DYSF: variants seen among roughly 807,000 people sequenced by gnomAD.
DYSF encodes the protein dystrophy-associated fer-1-like 1.
In DYSF, 212 loss-of-function variants were observed where a neutral mutation model predicts 274.9. The observed-to-expected ratio is 0.77, with a 90% CI of 0.69 to 0.86. DYSF has a LOEUF of 0.86. Among genes scored for constraint, DYSF ranks in the 40% least tolerant of loss-of-function variants. DYSF has a pLI of 0.00. For synonymous variants in DYSF, 1,091 were observed against 1,078.7 expected, an observed-to-expected ratio of 1.01 and a Z score of -0.22; for missense variants, 2,666 against 2,783.2, an observed-to-expected ratio of 0.96 and a Z score of 0.95.
At chr2:71,489,136 AG>A (rs1198744597) in intron 3 of DYSF, among the ~76,000 whole-genome samples, 11 of 152,132 alleles carry the variant, frequency 7.2e-5, no homozygotes, top group Non-Finnish European at 1.5e-4. Context: ...TATCAAATCA[AG>A]GGACCTGCCA....
chr2:71,527,902 G>A (rs920880354), intron 13 of DYSF, among the ~76,000 whole-genome samples: 1 of 151,928 alleles, frequency 6.6e-6, no homozygotes, highest in African/African-American at 2.4e-5. Flanking sequence ...CAGGTAAATC[G>A]CTGCGCTAAT....
At chr2:71,574,172 C>T (rs1419864569) in intron 29 of DYSF, 26 bp from the exon 30 acceptor site, 2 of 1,611,558 alleles carry the variant, frequency 1.2e-6, no homozygotes. Flanking sequence ...CCACCGGCCT[C>T]TGAGTCTGCC....
chr2:71,528,782 A>T (rs1005194734), intron 14 of DYSF, among the ~76,000 whole-genome samples: 2 of 152,212 alleles, frequency 1.3e-5, no homozygotes, highest in Non-Finnish European at 2.9e-5. Context: ...ATGGTTATTT[A>T]AAAAATGTTG....
At chr2:71,548,622 A>G (rs1490165644) in intron 17 of DYSF, among the ~76,000 whole-genome samples, 1 of 152,116 alleles carries the variant, frequency 6.6e-6, no homozygotes, top group African/African-American at 2.4e-5. Context: ...GTGCCAGAGC[A>G]TTTCCTTCCG....
chr2:71,623,678 CA>C (rs917229880), intron 41 of DYSF, among the ~76,000 whole-genome samples: 11 of 147,750 alleles, frequency 7.4e-5, no homozygotes, highest in African/African-American at 1.7e-4. Flanking sequence ...ACGATACTTG[CA>C]AAAAAAAAAT....
intron 17 of DYSF, among the ~76,000 whole-genome samples, chr2:71,546,570 T>C (rs1350532143): frequency 1.3e-5 from 2 of 152,262 alleles, no homozygotes; most frequent in African/African-American, 4.8e-5. Flanking sequence ...AAAAGAGTGC[T>C]TTCCTTAGAA....
intron 32 of DYSF, among the ~76,000 whole-genome samples, chr2:71,590,731 T>TC (rs2093239023): frequency 6.6e-6 from 1 of 151,932 alleles, no homozygotes; most frequent in African/African-American, 2.4e-5. Flanking sequence ...GCTCCCCAGC[T>TC]CCCCCCACCC....
At chr2:71,611,659 A>G in intron 38 of DYSF, 33 bp downstream of exon 38, 3 of 1,608,126 alleles carry the variant, frequency 1.9e-6, no homozygotes, top group Non-Finnish European at 2.5e-6. Context: ...CCCCTTCCAG[A>G]GTCCTGGGGC....
rs116362800 is a variant in DYSF at position 71,474,596 on chromosome 2, T to C, written c.92-6287T>C. On this transcript the variant is annotated intron_variant, in intron 1 of 55. Transcript: ENST00000410020. The stretch of plus-strand genomic sequence containing the variant: ...TTCTTGGTGCCTGTAAATCACGTGA[T>C]TGTGCTTAGTGAATGTTTCGTTTCT... Among the ~76,000 whole-genome samples, 1,011 of 152,288 alleles carry C rather than the reference T, an allele frequency of 6.6e-3. 7 individuals carry two copies. Among genetic ancestry groups the C allele is most frequent in the Non-Finnish European group, 0.011 (736 of 67,998 alleles).
rs189813892 is a variant in DYSF at position 71,473,268 on chromosome 2, C to T, written c.91+6335C>T. Among the ~76,000 whole-genome samples the T allele has an allele frequency of 5.7e-3, 863 of 152,330 alleles. 5 individuals are homozygous for T. Among genetic ancestry groups the T allele is most frequent in the South Asian group, 9.9e-3 (48 of 4,826 alleles). ...GTAATACAGGCCTTCCTTCAGCCCA[C>T]GCTAGGGCCATCTTTTCTCCTTTCA... On this transcript the variant is annotated intron_variant, in intron 1 of 55. Coordinates refer to ENST00000410020, the MANE Select transcript of DYSF (RefSeq NM_001130987.2).
chr2:71,621,771 T>C (rs1296123365), intron 41 of DYSF, among the ~76,000 whole-genome samples: 1 of 152,140 alleles, frequency 6.6e-6, no homozygotes, highest in Non-Finnish European at 1.5e-5. Flanking sequence ...GCAATTCTCC[T>C]GCCTCAGCCT....
At chr2:71,571,120 C>T (rs1267875607) in intron 29 of DYSF, among the ~76,000 whole-genome samples, 2 of 142,436 alleles carry the variant, frequency 1.4e-5, no homozygotes, top group Non-Finnish European at 3.0e-5. Context: ...ACACAGATCA[C>T]ACCCACAGAT....
At chr2:71,618,412 G>GGCATGTGTGGTAGAGGTGGGGTGTGT (rs1558639998) in intron 40 of DYSF, among the ~76,000 whole-genome samples, 1 of 6,390 alleles carries the variant, frequency 1.6e-4, no homozygotes, top group Non-Finnish European at 2.9e-4. Flanking sequence ...TGGTAGAGGT[G>GGCATGTGTGGTAGAGGTGGGGTGTGT]GTGTGTGTGT....
chr2:71,501,694 A>G (rs1315203282), intron 3 of DYSF, among the ~76,000 whole-genome samples: 2 of 152,218 alleles, frequency 1.3e-5, no homozygotes, highest in African/African-American at 4.8e-5. Context: ...ACTTTGCGGA[A>G]TGTCTCCAAG....
intron 24 of DYSF, 54 bp downstream of exon 24, chr2:71,564,267 T>G: frequency 1.3e-5 from 20 of 1,576,788 alleles, no homozygotes; most frequent in African/African-American, 2.7e-5. Flanking sequence ...CATAAGGCCT[T>G]TCTCCCATCT....
intron 42 of DYSF, among the ~76,000 whole-genome samples, chr2:71,654,156 T>C (rs1375023275): frequency 3.3e-5 from 5 of 152,204 alleles, no homozygotes; most frequent in Non-Finnish European, 7.3e-5. Flanking sequence ...CAAGTTTCTC[T>C]ATTATTATTA....
At chr2:71,531,906 G>A (rs974149886) in intron 14 of DYSF, among the ~76,000 whole-genome samples, 4 of 152,160 alleles carry the variant, frequency 2.6e-5, no homozygotes, top group Non-Finnish European at 2.9e-5. Flanking sequence ...CCAAGGTTAC[G>A]TATTGATCAG....
chr2:71,454,128 TAG>T, intron 1 of DYSF: 1 of 1,585,904 alleles, frequency 6.3e-7, no homozygotes, highest in Non-Finnish European at 8.6e-7. Context: ...CGGGGTGGGG[TAG>T]AGGAGGGGAC....
Position 71,526,291 on chromosome 2 carries a change from C to T in DYSF, c.1221C>T (p.Ala407=), listed in dbSNP as rs932501116. The change falls in exon 13 of 56, where the codon GCC becomes GCT. Residue 407 remains alanine (A), a synonymous_variant. Coordinates refer to ENST00000410020, the MANE Select transcript of DYSF (RefSeq NM_001130987.2). ...ACCTGCTCCGGCCCACAGGCGTAGC[C>T]CTGCGAGGAGCCCACTTCTGCCTGA... is the stretch of plus-strand genomic sequence containing the variant. The part of the protein sequence containing the change: ...ESNLLRPTGV[A]LRGAHFCLKV... 6.2e-7 allele frequency: 1 copy of T among 1,614,218 alleles called. No individual in the cohort carries two copies.
Sources: allele counts gnomAD v4.1 joint callset (sites outside exome capture counted in the v4.1 genomes callset), GRCh38; gene constraint gnomAD v4.1.1; transcripts MANE v1.5; gene names NCBI Gene and HGNC (gene_info 2026-07-23, HGNC 2026-07-21).